The following PLEKHH2 variants were observed in gnomAD, a reference collection of about 807,000 sequenced individuals.
PLEKHH2 encodes the protein pleckstrin homology, MyTH4 and FERM domain containing H2.
In PLEKHH2, 129 loss-of-function variants were observed where a neutral mutation model predicts 187.9. The observed-to-expected ratio is 0.69, with a 90% CI of 0.59 to 0.79. The LOEUF (loss-of-function observed/expected upper bound fraction) is 0.79. Among genes scored for constraint, PLEKHH2 ranks in the 30% least tolerant of loss-of-function variants. The pLI is 0.00. For synonymous variants in PLEKHH2, 686 were observed against 605.6 expected, an observed-to-expected ratio of 1.13 and a Z score of -1.95; for missense variants, 2,076 against 1,751.2, an observed-to-expected ratio of 1.19 and a Z score of -3.31.
At chr2:43,712,185 TCA>T (rs753098818) in intron 14 of PLEKHH2, 38 bp from the exon 15 acceptor site, 10 of 1,587,352 alleles carry the variant, frequency 6.3e-6, no homozygotes, top group South Asian at 2.2e-5. Flanking sequence ...TCCTAAATCT[TCA>T]CAGTTTTCTT....
At chr2:43,691,956 C>T (rs1201373050) in intron 3 of PLEKHH2, among the ~76,000 whole-genome samples, 1 of 152,168 alleles carries the variant, frequency 6.6e-6, no homozygotes, top group Non-Finnish European at 1.5e-5. Flanking sequence ...TCAAGAAGCC[C>T]TCATTGAGTG....
At position 43,753,670 on chromosome 2, in the gene PLEKHH2, G is replaced by T. The variant is rs775001290; in HGVS notation, c.3705G>T (p.Leu1235=). The T allele has an allele frequency of 6.3e-7, 1 of 1,577,660 alleles. No individual in the cohort carries two copies. The highest frequency in any genetic ancestry group is 1.9e-5 in the Admixed American group (1 of 53,704). ...GAGAGACTGATAGAGAAAAGTTGCT[G>T]TTAATGTATCAGACAAATGATCAAA... ...ARGETDREKL[L]LMYQTNDQII... Residue 1235 remains leucine, a synonymous_variant, in exon 25 of 30, where the codon CTG becomes CTT. Transcript: ENST00000282406.
At chr2:43,685,632 A>T (rs1365244047) in intron 3 of PLEKHH2, among the ~76,000 whole-genome samples, 1 of 142,558 alleles carries the variant, frequency 7.0e-6, no homozygotes, top group Non-Finnish European at 1.5e-5. Flanking sequence ...TGTAGAGACG[A>T]TGTCTCACCA....
chr2:43,732,396 C>T (rs926439059), intron 19 of PLEKHH2, among the ~76,000 whole-genome samples: 2 of 151,968 alleles, frequency 1.3e-5, no homozygotes, highest in South Asian at 4.2e-4. Context: ...ATTTTAGCTC[C>T]CAACTCACAT....
At chr2:43,712,569 C>T (rs1670019225) in intron 15 of PLEKHH2, among the ~76,000 whole-genome samples, 186 bp downstream of exon 15, 1 of 152,110 alleles carries the variant, frequency 6.6e-6, no homozygotes, top group Non-Finnish European at 1.5e-5. Context: ...ACAAATTTGA[C>T]TATAATATGT....
chr2:43,641,781 T>A (rs1424436906), intron 1 of PLEKHH2, among the ~76,000 whole-genome samples: 1 of 152,232 alleles, frequency 6.6e-6, no homozygotes, highest in African/African-American at 2.4e-5. Context: ...ATCTTATCAC[T>A]CTTGCCAAAA....
rs1030744121 is a variant in PLEKHH2, at chr2:43,656,279, A to AT, written c.123+11491dup. The stretch of plus-strand genomic sequence containing the variant: ...GCCTATCTTAACAATTTAAATGGGC[A>AT]TTTTTTTTGCCTCAAAACAAAGCAA... On this transcript the variant is annotated intron_variant, in intron 2 of 29. Transcript: ENST00000282406. Among the ~76,000 whole-genome samples, 50 of 151,898 alleles carry AT rather than the reference A, an allele frequency of 3.3e-4. 1 individual carries two copies. Among genetic ancestry groups the AT allele is most frequent in the African/African-American group, 7.5e-4 (31 of 41,434 alleles).
At chr2:43,706,071 G>A (rs1279623234) in intron 9 of PLEKHH2, among the ~76,000 whole-genome samples, 1 of 152,170 alleles carries the variant, frequency 6.6e-6, no homozygotes, top group Non-Finnish European at 1.5e-5. Flanking sequence ...AAAAGCTATG[G>A]TTCTTGCTCT....
At chr2:43,660,435 C>A (rs1230869602) in intron 2 of PLEKHH2, among the ~76,000 whole-genome samples, 3 of 72,182 alleles carry the variant, frequency 4.2e-5, no homozygotes, top group African/African-American at 4.8e-5. Context: ...ATATGTTTAA[C>A]TTTTTTTTTT....
At chr2:43,751,926 CTT>C (rs1191371733) in intron 24 of PLEKHH2, among the ~76,000 whole-genome samples, 43 of 139,750 alleles carry the variant, frequency 3.1e-4, no homozygotes, top group Non-Finnish European at 3.6e-4. Context: ...CTCTCTCTCT[CTT>C]TTTTTTTTTT....
chr2:43,656,771 A>C (rs1439870342), intron 2 of PLEKHH2, among the ~76,000 whole-genome samples: 1 of 152,236 alleles, frequency 6.6e-6, no homozygotes, highest in East Asian at 1.9e-4. Context: ...TAATCCCAGC[A>C]CTTTGGGAGG....
At chr2:43,761,374 C>CT (rs796809546) in intron 27 of PLEKHH2, among the ~76,000 whole-genome samples, 26 of 136,618 alleles carry the variant, frequency 1.9e-4, no homozygotes, top group African/African-American at 6.5e-4. Context: ...AATTTCATAG[C>CT]TTTTTTTTTC....
chr2:43,757,385 T>G, intron 26 of PLEKHH2, 121 bp downstream of exon 26: 1 of 781,130 alleles, frequency 1.3e-6, no homozygotes, highest in Non-Finnish European at 1.8e-6. Flanking sequence ...TTTTTTAACA[T>G]GATTGAGCCA....
rs765226598 is a variant in PLEKHH2, at chr2:43,726,395, A to T, written c.2665A>T (p.Ile889Phe). 1 of 1,611,820 alleles carries T rather than the reference A, an allele frequency of 6.2e-7. No homozygotes were observed. Among genetic ancestry groups the T allele is most frequent in the Non-Finnish European group, 8.5e-7 (1 of 1,177,930 alleles). ...SLLSTHYTIV[I>F]HPKDQGPTYL... ...GTTATCCACACATTATACTATCGTT[A>T]TCCATCCCAAAGACCAAGGTCCAAC... is the stretch of plus-strand genomic sequence containing the variant. Residue 889 changes from isoleucine (I) to phenylalanine (F), a missense_variant, in exon 17 of 30, where the codon ATC (isoleucine) becomes TTC (phenylalanine). Coordinates refer to ENST00000282406, the MANE Select transcript of PLEKHH2 (RefSeq NM_172069.4).
chr2:43,711,046 G>C, intron 14 of PLEKHH2: 1 of 988,746 alleles, frequency 1.0e-6, no homozygotes, highest in Non-Finnish European at 1.2e-6. Flanking sequence ...GGAGTGTGCT[G>C]CCAAGCAAGT....
At chr2:43,742,262 A>C (rs942258796) in intron 21 of PLEKHH2, among the ~76,000 whole-genome samples, 1 of 152,028 alleles carries the variant, frequency 6.6e-6, no homozygotes, top group African/African-American at 2.4e-5. Flanking sequence ...TCAGCCTCCC[A>C]AAGTGCTGGG....
intron 2 of PLEKHH2, among the ~76,000 whole-genome samples, chr2:43,651,850 A>G (rs1375387199): frequency 1.3e-5 from 2 of 152,216 alleles, no homozygotes; most frequent in Non-Finnish European, 2.9e-5. Context: ...GAATTTTTAA[A>G]AAGTTATCTT....
intron 2 of PLEKHH2, chr2:43,676,428 C>G (rs1444664586): frequency 7.1e-6 from 6 of 840,170 alleles, no homozygotes; most frequent in Non-Finnish European, 1.1e-5. Flanking sequence ...TTGGGCCACT[C>G]TAGCTGCGGG....
At chr2:43,647,693 C>T (rs764352881) in intron 2 of PLEKHH2, among the ~76,000 whole-genome samples, 2 of 152,202 alleles carry the variant, frequency 1.3e-5, no homozygotes, top group African/African-American at 2.4e-5. Flanking sequence ...CTATCCACCT[C>T]TTTGGTTTTG....
Sources: gnomAD v4.1 joint callset for allele counts (sites outside exome capture counted in the v4.1 genomes callset) on GRCh38, gnomAD v4.1.1 for gene constraint, MANE v1.5 for transcripts, NCBI Gene and HGNC (gene_info 2026-07-23, HGNC 2026-07-21) for gene names.